Variants in RAPGEF4 observed in about 807,000 individuals in gnomAD.
RAPGEF4 encodes the protein RAP guanine-nucleotide-exchange factor (GEF) 4.
In RAPGEF4, 66 loss-of-function variants were observed where a neutral mutation model predicts 147.9. That is an observed-to-expected ratio of 0.45 (90% CI 0.37 to 0.55). The LOEUF is 0.55. Among genes scored for constraint, RAPGEF4 ranks in the 20% least tolerant of loss-of-function variants. The probability of loss-of-function intolerance (pLI) is 0.00; values close to 1 mark genes in which losing one functional copy is unlikely to be tolerated. For missense variants in RAPGEF4, 1,071 were observed against 1,257.3 expected (o/e 0.85, Z 2.24); for synonymous variants, 419 against 442.7 (o/e 0.95, Z 0.67).
chr2:172,800,145 T>C (rs3769317), intron 3 of RAPGEF4, among the ~76,000 whole-genome samples: 52,430 of 152,130 alleles, frequency 0.34, 9,673 homozygotes, highest in Middle Eastern at 0.47. Flanking sequence ...ATACCAAAGC[T>C]GGCTTACTGC....
At chr2:172,944,266 GTT>G in intron 6 of RAPGEF4, among the ~76,000 whole-genome samples, 1 of 152,198 alleles carries the variant, frequency 6.6e-6, no homozygotes, top group African/African-American at 2.4e-5. Context: ...ATCCCTTTAG[GTT>G]TATGCGATAA....
chr2:173,023,323 G>T (rs1696299515), intron 23 of RAPGEF4, among the ~76,000 whole-genome samples: 1 of 152,188 alleles, frequency 6.6e-6, no homozygotes, highest in African/African-American at 2.4e-5. Context: ...GGGAGAAAAT[G>T]CATGGGAGTT....
intron 4 of RAPGEF4, among the ~76,000 whole-genome samples, chr2:172,853,993 G>T (rs1380477810): frequency 1.3e-5 from 2 of 151,960 alleles, no homozygotes; most frequent in South Asian, 2.1e-4. Context: ...TCACTGTTGA[G>T]ATTTCTTTAT....
intron 4 of RAPGEF4, among the ~76,000 whole-genome samples, chr2:172,855,677 G>A (rs1202138972): frequency 2.6e-5 from 4 of 152,292 alleles, no homozygotes; most frequent in Non-Finnish European, 2.9e-5. Flanking sequence ...GGCCTCCAAT[G>A]TTGAAGAATA....
At chr2:173,028,531 C>G (rs978614127) in intron 25 of RAPGEF4, among the ~76,000 whole-genome samples, 1 of 152,132 alleles carries the variant, frequency 6.6e-6, no homozygotes, top group Non-Finnish European at 1.5e-5. Context: ...CATGGGAGAG[C>G]CTTTCAGAAC....
chr2:172,883,458 G>A (rs894234438), intron 4 of RAPGEF4, among the ~76,000 whole-genome samples: 8 of 152,058 alleles, frequency 5.3e-5, no homozygotes, highest in East Asian at 1.9e-4. Context: ...GTTGCATTGG[G>A]GATTAAGCCT....
intron 17 of RAPGEF4, among the ~76,000 whole-genome samples, chr2:173,011,170 G>GCGCACGCA (rs564434178): frequency 1.1e-4 from 15 of 133,568 alleles, no homozygotes; most frequent in Middle Eastern, 7.9e-3. Context: ...GCGCGCGCGC[G>GCGCACGCA]CACACACACA....
chr2:172,740,301 T>C (rs1190684382), intron 1 of RAPGEF4, among the ~76,000 whole-genome samples: 1 of 152,230 alleles, frequency 6.6e-6, no homozygotes, highest in Non-Finnish European at 1.5e-5. Flanking sequence ...ATTAGAAGTA[T>C]AGGTTGGAGA....
chr2:172,883,025 T>C (rs1047881913), intron 4 of RAPGEF4, among the ~76,000 whole-genome samples: 2 of 151,788 alleles, frequency 1.3e-5, no homozygotes, highest in African/African-American at 4.8e-5. Context: ...GGAGTCAGAG[T>C]AGGGGAGCAG....
At chr2:172,936,265 G>A (rs1465843269) in intron 6 of RAPGEF4, among the ~76,000 whole-genome samples, 1 of 152,060 alleles carries the variant, frequency 6.6e-6, no homozygotes, top group African/African-American at 2.4e-5. Flanking sequence ...TACTCTGAAG[G>A]CTGAGGCAGA....
chr2:172,990,576 G>A (rs1237307825), intron 14 of RAPGEF4, among the ~76,000 whole-genome samples: 2 of 152,124 alleles, frequency 1.3e-5, no homozygotes, highest in Non-Finnish European at 2.9e-5. Context: ...ACCACACTAT[G>A]CTTTATTCTG....
At chr2:172,965,511 C>A (rs772329133) in intron 8 of RAPGEF4, 51 bp from the exon 9 acceptor site, 2 of 1,583,398 alleles carry the variant, frequency 1.3e-6, no homozygotes, top group South Asian at 2.2e-5. Context: ...CTCCCATCCT[C>A]TATCTGAAAA....
intron 10 of RAPGEF4, among the ~76,000 whole-genome samples, chr2:172,968,073 A>G (rs574794744): frequency 2.4e-4 from 36 of 152,292 alleles, no homozygotes; most frequent in Admixed American, 7.8e-4. Context: ...AGATCCACTC[A>G]GAAAGAATGT....
intron 10 of RAPGEF4, among the ~76,000 whole-genome samples, chr2:172,970,833 G>GAA (rs1006555459): frequency 6.6e-6 from 1 of 152,196 alleles, no homozygotes; most frequent in Non-Finnish European, 1.5e-5. Flanking sequence ...TTCTGCATGT[G>GAA]AAATTAGCTT....
At chr2:172,825,541 C>CA (rs2149648187) in intron 4 of RAPGEF4, among the ~76,000 whole-genome samples, 1 of 152,162 alleles carries the variant, frequency 6.6e-6, no homozygotes, top group Admixed American at 6.5e-5. Flanking sequence ...TATAAATACC[C>CA]AATGTAACAT....
At chr2:172,926,033 C>T (rs186320915) in intron 6 of RAPGEF4, among the ~76,000 whole-genome samples, 2 of 52,638 alleles carry the variant, frequency 3.8e-5, no homozygotes, top group East Asian at 6.2e-4. Flanking sequence ...GAGGGAGGGA[C>T]GGAGGGAGGG....
At chr2:172,911,866 A>G (rs184900691) in intron 4 of RAPGEF4, among the ~76,000 whole-genome samples, 1 of 140,862 alleles carries the variant, frequency 7.1e-6, no homozygotes. Flanking sequence ...TCCTGGGCCC[A>G]TGTGATCCTC....
chr2:172,815,805 C>T (rs1688449026), intron 4 of RAPGEF4, among the ~76,000 whole-genome samples: 1 of 152,082 alleles, frequency 6.6e-6, no homozygotes, highest in Non-Finnish European at 1.5e-5. Context: ...ATTAGGAGCC[C>T]TTAGTGCTGA....
Position 172,962,298 on chromosome 2 carries a change from T to G in RAPGEF4, c.698+1070T>G, listed in dbSNP as rs201765615. Among the ~76,000 whole-genome samples, 26 of 152,256 alleles carry G rather than the reference T, an allele frequency of 1.7e-4. No homozygotes were observed. In the East Asian group the frequency reaches 4.8e-3, roughly 28 times the overall value. On this transcript the variant is annotated intron_variant, in intron 8 of 30. Coordinates refer to ENST00000397081, the MANE Select transcript of RAPGEF4 (RefSeq NM_007023.4). ...ACCTCAGAACCCATCAGCATTGGCA[T>G]GAGTCAAAACCCATTTGATTCACAG...
Sources: allele counts gnomAD v4.1 joint callset (sites outside exome capture counted in the v4.1 genomes callset), GRCh38; gene constraint gnomAD v4.1.1; transcripts MANE v1.5; gene names NCBI Gene and HGNC (gene_info 2026-07-23, HGNC 2026-07-21).